CSMD1: variants seen among roughly 807,000 people sequenced by gnomAD.
CSMD1 encodes the protein CUB and sushi domain-containing protein 1.
A neutral mutation model predicts 417.5 loss-of-function variants in CSMD1; 213 were observed. That is an observed-to-expected ratio of 0.51 (90% CI 0.46 to 0.57). CSMD1 has a LOEUF of 0.57. Ranked by LOEUF, CSMD1 falls within the 20% of genes least tolerant of loss-of-function variation. CSMD1 has a pLI of 0.00. For missense variants in CSMD1, 6,923 were observed against 4,529.7 expected, an observed-to-expected ratio of 1.53 and a Z score of -15.17; for synonymous variants, 2,862 against 1,736.8, an observed-to-expected ratio of 1.65 and a Z score of -16.11.
intron 3 of CSMD1, among the ~76,000 whole-genome samples, chr8:4,182,990 T>A (rs188981181): frequency 6.6e-6 from 1 of 152,108 alleles, no homozygotes; most frequent in African/African-American, 2.4e-5. Flanking sequence ...AGGATCAAAG[T>A]CTTTCAAGTA....
intron 1 of CSMD1, among the ~76,000 whole-genome samples, chr8:4,955,635 T>A (rs1387545261): frequency 1.3e-5 from 2 of 152,118 alleles, no homozygotes; most frequent in East Asian, 3.9e-4. Flanking sequence ...TTTGTATTTT[T>A]AATAGAGACG....
chr8:3,188,032 G>C, intron 35 of CSMD1, 67 bp from the exon 36 acceptor site: 1 of 1,182,558 alleles, frequency 8.5e-7, no homozygotes, highest in Non-Finnish European at 1.2e-6. Flanking sequence ...ATTAGATGGG[G>C]TTTTGGGGTT....
In CSMD1 at chr8:4,187,233, T is replaced by G. The variant is rs77602238; in HGVS notation, c.416-155134A>C. 8.0e-4 allele frequency among the ~76,000 whole-genome samples: 122 copies of G among 152,314 alleles called. 1 individual carries two copies. Among genetic ancestry groups the G allele is most frequent in the Non-Finnish European group, 1.4e-3 (96 of 68,032 alleles). ...GTTCAGAGAAAAAATAATATGGAAC[T>G]TTAACATGTGCTTATGGCAGAGACT... On this transcript the variant is annotated intron_variant, in intron 3 of 69. Coordinates refer to ENST00000635120, the MANE Select transcript of CSMD1 (RefSeq NM_033225.6).
intron 20 of CSMD1, among the ~76,000 whole-genome samples, chr8:3,364,485 G>T (rs946482352): frequency 6.6e-6 from 1 of 152,164 alleles, no homozygotes; most frequent in Non-Finnish European, 1.5e-5. Flanking sequence ...TGGCTTGCTT[G>T]TTTGTGCAAG....
chr8:3,843,548 C>A (rs1279586956), intron 5 of CSMD1, among the ~76,000 whole-genome samples: 2 of 150,952 alleles, frequency 1.3e-5, no homozygotes, highest in South Asian at 2.1e-4. Flanking sequence ...AAAAAAAAAA[C>A]AAGTTATTCA....
chr8:3,409,371 T>A, intron 13 of CSMD1, 52 bp downstream of exon 13: 1 of 1,459,856 alleles, frequency 6.8e-7, no homozygotes, highest in Non-Finnish European at 9.2e-7. Flanking sequence ...TTTCTCCCCT[T>A]GCAAGATCCT....
At chr8:3,708,672 G>A (rs922665833) in intron 6 of CSMD1, among the ~76,000 whole-genome samples, 181 bp from the exon 7 acceptor site, 1 of 152,090 alleles carries the variant, frequency 6.6e-6, no homozygotes, top group East Asian at 1.9e-4. Flanking sequence ...ATTATTGTGA[G>A]GCTATCAAGC....
chr8:3,300,441 C>G (rs750952766), intron 25 of CSMD1, among the ~76,000 whole-genome samples: 2 of 151,994 alleles, frequency 1.3e-5, no homozygotes, highest in African/African-American at 4.8e-5. Context: ...GCTTATCCTG[C>G]ACATAATGAG....
intron 3 of CSMD1, among the ~76,000 whole-genome samples, chr8:4,158,727 C>T (rs892016931): frequency 6.6e-6 from 1 of 152,106 alleles, no homozygotes; most frequent in Non-Finnish European, 1.5e-5. Context: ...CTTATCACAA[C>T]CCCATGAGAA....
chr8:3,136,127 TTGA>T (rs1417628681), intron 41 of CSMD1, among the ~76,000 whole-genome samples: 2 of 152,314 alleles, frequency 1.3e-5, no homozygotes, highest in East Asian at 3.9e-4. Flanking sequence ...TAGCCACTAA[TTGA>T]TGGCTCATCT....
At chr8:4,233,625 G>C (rs911405601) in intron 3 of CSMD1, among the ~76,000 whole-genome samples, 9 of 152,072 alleles carry the variant, frequency 5.9e-5, no homozygotes, top group African/African-American at 2.2e-4. Context: ...CTTGATCTTG[G>C]ACTGCCCAGA....
intron 5 of CSMD1, among the ~76,000 whole-genome samples, chr8:3,933,167 C>A (rs958150777): frequency 7.4e-6 from 1 of 135,622 alleles, no homozygotes; most frequent in Non-Finnish European, 1.6e-5. Flanking sequence ...AGTCCACCTC[C>A]GTGGTAATAC....
chr8:4,046,587 C>T (rs1476609682), intron 3 of CSMD1, among the ~76,000 whole-genome samples: 1 of 152,124 alleles, frequency 6.6e-6, no homozygotes, highest in African/African-American at 2.4e-5. Context: ...TCTTTAATTT[C>T]TGAAGACCTA....
intron 12 of CSMD1, among the ~76,000 whole-genome samples, chr8:3,438,036 T>C (rs1814690105): frequency 6.6e-6 from 1 of 152,222 alleles, no homozygotes; most frequent in African/African-American, 2.4e-5. Context: ...TAGAGGTTTT[T>C]GTACAAATAA....
intron 3 of CSMD1, among the ~76,000 whole-genome samples, chr8:4,270,337 A>G (rs1196251911): frequency 6.6e-6 from 1 of 151,582 alleles, no homozygotes; most frequent in Admixed American, 6.6e-5. Context: ...ACAAACCACG[A>G]TTCACACTCT....
intron 3 of CSMD1, among the ~76,000 whole-genome samples, chr8:4,351,926 C>T (rs1031257117): frequency 1.4e-5 from 2 of 147,242 alleles, no homozygotes; most frequent in Non-Finnish European, 3.0e-5. Context: ...CACTGACATT[C>T]AAGGTAACAT....
At chr8:3,299,048 G>C (rs901039744) in intron 25 of CSMD1, among the ~76,000 whole-genome samples, 2 of 152,100 alleles carry the variant, frequency 1.3e-5, no homozygotes, top group East Asian at 3.9e-4. Flanking sequence ...CAAAAAATAT[G>C]ATACAACAAA....
chr8:4,180,819 A>G lies in CSMD1; in HGVS notation c.416-148720T>C, dbSNP rs551708461. ...TTTGGTACAAGAGTTCACAAATCCA[A>G]CCAACCAAAATAACAACAATTATGA... On this transcript the variant is annotated intron_variant, in intron 3 of 69. Coordinates refer to ENST00000635120, the MANE Select transcript of CSMD1 (RefSeq NM_033225.6). Among the ~76,000 whole-genome samples the G allele has an allele frequency of 2.6e-5, 4 of 152,192 alleles. No homozygotes were observed. In the South Asian group the frequency reaches 8.3e-4, roughly 32 times the overall value.
intron 1 of CSMD1, among the ~76,000 whole-genome samples, chr8:4,986,266 C>G (rs1201996958): frequency 1.3e-5 from 2 of 152,148 alleles, no homozygotes; most frequent in Admixed American, 6.5e-5. Flanking sequence ...ATGTCACTAA[C>G]TATCAAGGAG....
Sources: allele counts gnomAD v4.1 joint callset (sites outside exome capture counted in the v4.1 genomes callset), GRCh38; gene constraint gnomAD v4.1.1; transcripts MANE v1.5; gene names NCBI Gene and HGNC (gene_info 2026-07-23, HGNC 2026-07-21).